Variants in RNGTT observed in about 807,000 individuals in gnomAD.
The protein encoded by RNGTT is RNA guanylyltransferase and 5'-phosphatase.
In RNGTT, 33 loss-of-function variants were observed where a neutral mutation model predicts 79.3. The observed-to-expected ratio is 0.42, with a 90% CI of 0.32 to 0.56. The LOEUF (loss-of-function observed/expected upper bound fraction) is 0.56. Among genes scored for constraint, RNGTT ranks in the 20% least tolerant of loss-of-function variants. The probability of loss-of-function intolerance (pLI) is 0.17; values close to 1 mark genes in which losing one functional copy is unlikely to be tolerated. For missense variants in RNGTT, 497 were observed against 739.1 expected (o/e 0.67, Z 3.80); for synonymous variants, 222 against 235.9 (o/e 0.94, Z 0.54).
chr6:88,919,601 G>A (rs141262847), intron 4 of RNGTT, among the ~76,000 whole-genome samples: 4 of 151,520 alleles, frequency 2.6e-5, no homozygotes, highest in Non-Finnish European at 4.4e-5. Flanking sequence ...TTGTAGGCAT[G>A]AGCCACCACA....
intron 13 of RNGTT, among the ~76,000 whole-genome samples, chr6:88,686,621 C>T (rs1012377316): frequency 2.6e-5 from 4 of 151,984 alleles, no homozygotes; most frequent in South Asian, 4.1e-4. Flanking sequence ...AACAGACCTA[C>T]GCATAGGCAC....
chr6:88,717,580 G>C (rs2127811088), intron 13 of RNGTT, among the ~76,000 whole-genome samples: 1 of 152,246 alleles, frequency 6.6e-6, no homozygotes, highest in South Asian at 2.1e-4. Flanking sequence ...CAGGATCCAA[G>C]GAACAAAATG....
At chr6:88,631,353 T>C (rs572658131) in intron 14 of RNGTT, among the ~76,000 whole-genome samples, 2 of 152,340 alleles carry the variant, frequency 1.3e-5, no homozygotes, top group South Asian at 2.1e-4. Context: ...CTGGATTGTC[T>C]TTTTAGGTAG....
intron 12 of RNGTT, among the ~76,000 whole-genome samples, chr6:88,786,467 G>A (rs971462984): frequency 5.9e-5 from 9 of 152,064 alleles, no homozygotes; most frequent in Admixed American, 1.3e-4. Context: ...GTGACGAATG[G>A]CCAAAAATTA....
At chr6:88,946,192 T>C (rs1168334154) in intron 1 of RNGTT, among the ~76,000 whole-genome samples, 1 of 152,252 alleles carries the variant, frequency 6.6e-6, no homozygotes, top group Non-Finnish European at 1.5e-5. Context: ...ATTTTGGTAA[T>C]TTCCACAATA....
intron 2 of RNGTT, among the ~76,000 whole-genome samples, chr6:88,940,785 T>C (rs879551999): frequency 2.0e-5 from 3 of 151,808 alleles, no homozygotes; most frequent in East Asian, 3.9e-4. Context: ...TGTACTGAAC[T>C]ACACACACAC....
At chr6:88,800,795 C>A (rs1198643257) in intron 12 of RNGTT, among the ~76,000 whole-genome samples, 2 of 152,150 alleles carry the variant, frequency 1.3e-5, no homozygotes, top group Non-Finnish European at 2.9e-5. Context: ...TCAAGTAGGG[C>A]CAATTATGTT....
chr6:88,938,616 C>T (rs551916418), intron 2 of RNGTT, among the ~76,000 whole-genome samples: 4 of 152,052 alleles, frequency 2.6e-5, no homozygotes, highest in Non-Finnish European at 5.9e-5. Context: ...TTCTTTCTCT[C>T]TTATTGTTTC....
chr6:88,805,028 CA>C (rs1299032246), intron 11 of RNGTT, among the ~76,000 whole-genome samples: 1 of 152,194 alleles, frequency 6.6e-6, no homozygotes, highest in Non-Finnish European at 1.5e-5. Flanking sequence ...AAAAGTTCCT[CA>C]TTCATTTACG....
At chr6:88,702,163 G>A (rs1489694465) in intron 13 of RNGTT, among the ~76,000 whole-genome samples, 1 of 152,060 alleles carries the variant, frequency 6.6e-6, no homozygotes, top group African/African-American at 2.4e-5. Flanking sequence ...CAGATTCAAT[G>A]CTATTCCTAT....
chr6:88,744,955 A>G (rs1329384013), intron 13 of RNGTT, among the ~76,000 whole-genome samples: 2 of 152,218 alleles, frequency 1.3e-5, no homozygotes, highest in Non-Finnish European at 2.9e-5. Flanking sequence ...ATTGTTTCTA[A>G]GTATATATAG....
intron 4 of RNGTT, among the ~76,000 whole-genome samples, chr6:88,922,823 G>T (rs1339981531): frequency 2.6e-5 from 4 of 152,114 alleles, no homozygotes; most frequent in African/African-American, 9.7e-5. Context: ...TTCAAACCAG[G>T]ATCCAACAAT....
intron 13 of RNGTT, among the ~76,000 whole-genome samples, chr6:88,687,029 T>C (rs1775305182): frequency 1.3e-5 from 2 of 151,906 alleles, no homozygotes; most frequent in Admixed American, 6.6e-5. Flanking sequence ...AAAAGATAAC[T>C]GACAAACTGG....
At chr6:88,915,113 A>T (rs1308546823) in intron 4 of RNGTT, among the ~76,000 whole-genome samples, 3 of 152,174 alleles carry the variant, frequency 2.0e-5, no homozygotes, top group Non-Finnish European at 4.4e-5. Flanking sequence ...AAAGTCAAAG[A>T]ATAACAGATG....
chr6:88,645,556 A>G (rs1773515187), intron 14 of RNGTT, among the ~76,000 whole-genome samples: 1 of 152,244 alleles, frequency 6.6e-6, no homozygotes, highest in African/African-American at 2.4e-5. Context: ...GACAATCCTC[A>G]GCCAAAAGAA....
intron 1 of RNGTT, among the ~76,000 whole-genome samples, chr6:88,961,823 A>G (rs1169998551): frequency 2.6e-5 from 4 of 152,252 alleles, no homozygotes; most frequent in South Asian, 2.1e-4. Flanking sequence ...AAATGAAAGT[A>G]TATGTCCACA....
intron 14 of RNGTT, among the ~76,000 whole-genome samples, chr6:88,642,047 G>C (rs912618750): frequency 2.0e-5 from 3 of 152,074 alleles, no homozygotes; most frequent in African/African-American, 7.2e-5. Context: ...GAGAGAGAGA[G>C]AGAAAATAGG....
intron 2 of RNGTT, among the ~76,000 whole-genome samples, chr6:88,937,285 C>T (rs541182583): frequency 8.2e-4 from 125 of 151,860 alleles, no homozygotes; most frequent in Admixed American, 3.6e-3. Context: ...GTGGAGGTCA[C>T]AGTGAACTGA....
chr6:88,918,229 G>T (rs933352566), intron 4 of RNGTT, among the ~76,000 whole-genome samples: 2 of 151,898 alleles, frequency 1.3e-5, no homozygotes, highest in Admixed American at 6.6e-5. Flanking sequence ...AGGTTGAGGT[G>T]GGAAGATTGC....
Sources: allele counts gnomAD v4.1 joint callset (sites outside exome capture counted in the v4.1 genomes callset), GRCh38; gene constraint gnomAD v4.1.1; transcripts MANE v1.5; gene names NCBI Gene and HGNC (gene_info 2026-07-23, HGNC 2026-07-21).